Variants in F10 observed in about 807,000 individuals in gnomAD.
F10 encodes Stuart-Prower factor.
Under a neutral mutation model 37.1 loss-of-function variants are expected in F10, and 29 were observed. The observed-to-expected ratio is 0.78, with a 90% CI of 0.58 to 1.07. The LOEUF is 1.07. Among genes scored for constraint, F10 ranks in the 50% least tolerant of loss-of-function variants. The pLI is 0.00. For missense variants in F10, 539 were observed against 667.9 expected, an observed-to-expected ratio of 0.81 and a Z score of 2.13; for synonymous variants, 262 against 268.6, an observed-to-expected ratio of 0.98 and a Z score of 0.24.
chr13:113,136,867 G>C (rs2036483488), intron 2 of F10, among the ~76,000 whole-genome samples: 1 of 25,794 alleles, frequency 3.9e-5, no homozygotes, highest in Non-Finnish European at 1.0e-4. Context: ...AGCTGGGATG[G>C]TCTCGATCTC....
intron 2 of F10, chr13:113,131,720 G>T (rs2036436028): frequency 6.6e-6 from 1 of 152,136 alleles, no homozygotes; most frequent in South Asian, 2.1e-4. Flanking sequence ...TTGACCAAAT[G>T]ATCTCTCTAA....
In F10 at chr13:113,143,909, C is replaced by T; in HGVS notation, c.561C>T (p.Ala187=). 3.1e-6 allele frequency: 5 copies of T among 1,613,378 alleles called. No homozygotes were observed. Among genetic ancestry groups the T allele is most frequent in the Non-Finnish European group, 4.2e-6 (5 of 1,179,994 alleles). ...GCAGGAAGAGGTCAGTGGCCCAGGC[C>T]ACCAGCAGCAGCGGGGAGGCCCCTG... ...LERRKRSVAQ[A]TSSSGEAPDS... The change falls in exon 6 of 8, where the codon GCC becomes GCT. Residue 187 remains alanine, a synonymous_variant. Transcript: ENST00000375559. This position sits in a 1 kb window ranked among gnomAD's most constrained non-coding sequence, Gnocchi z 6.8.
chr13:113,145,609 C>A (rs1046274140), intron 6 of F10, among the ~76,000 whole-genome samples: 1 of 152,088 alleles, frequency 6.6e-6, no homozygotes, highest in South Asian at 2.1e-4. Flanking sequence ...CATACATACC[C>A]GAGACTGGGT....
chr13:113,144,469 G>A lies in F10; in HGVS notation c.747+374G>A, dbSNP rs1048318569. Among the ~76,000 whole-genome samples, 2 of 152,268 alleles carry A rather than the reference G, an allele frequency of 1.3e-5. No individual in the cohort carries two copies. The highest frequency in any genetic ancestry group is 4.8e-5 in the African/African-American group (2 of 41,484). On this transcript the variant is annotated intron_variant, in intron 6 of 7. Coordinates refer to ENST00000375559, the MANE Select transcript of F10 (RefSeq NM_000504.4). The surrounding 1 kb of genome is among the most constrained non-coding windows in gnomAD (Gnocchi z 6.4). ...TGTCCTCAAACCTCCCCTACACCAGGAGACAAGGCTAAAGCCAGGGAGCCA... is the reference window on the plus strand; with the variant it reads ...TGTCCTCAAACCTCCCCTACACCAGAAGACAAGGCTAAAGCCAGGGAGCCA...
rs937419724 is a variant in F10 at position 113,144,816 on chromosome 13, C to T, written c.747+721C>T. 9.6e-5 allele frequency among the ~76,000 whole-genome samples: 14 copies of T among 145,466 alleles called. No homozygotes were observed. The highest frequency in any genetic ancestry group is 2.0e-4 in the East Asian group (1 of 4,920). ...GCAACCTCCACCTCCTGGGTTCAAG[C>T]GATTCTCATGCCTCAGACTCCCAAG... On this transcript the variant is annotated intron_variant, in intron 6 of 7. Coordinates refer to ENST00000375559, the MANE Select transcript of F10 (RefSeq NM_000504.4). The surrounding 1 kb of genome is among the most constrained non-coding windows in gnomAD (Gnocchi z 6.4).
chr13:113,129,389 A>G (rs145068456), intron 1 of F10, 63 bp from the exon 2 acceptor site: 1 of 1,256,160 alleles, frequency 8.0e-7, no homozygotes, highest in Non-Finnish European at 1.1e-6. Flanking sequence ...CAGGGAGCAT[A>G]GGTGAGGGGG....
At position 113,141,143 on chromosome 13, in the gene F10, C is replaced by G. The variant is rs1168085192; in HGVS notation, c.502+93C>G. The G allele has an allele frequency of 5.1e-6, 8 of 1,555,888 alleles. No homozygotes were observed. Among genetic ancestry groups the G allele is most frequent in the Non-Finnish European group, 6.1e-6 (7 of 1,150,186 alleles). ...CAGGGGGTGGGGACACAGGCATGTT[C>G]TGGGCGGGCCTGGCAGGTAACAGTG... is the stretch of plus-strand genomic sequence containing the variant. On this transcript the variant is annotated intron_variant, in intron 5 of 7. Coordinates refer to ENST00000375559, the MANE Select transcript of F10 (RefSeq NM_000504.4). The surrounding 1 kb of genome is among the most constrained non-coding windows in gnomAD (Gnocchi z 5.4).
Position 113,149,023 on chromosome 13 carries a change from G to C in F10, c.973G>C (p.Val325Leu). The C allele has an allele frequency of 6.2e-7, 1 of 1,613,492 alleles. No individual in the cohort carries two copies. The highest frequency in any genetic ancestry group is 8.5e-7 in the Non-Finnish European group (1 of 1,180,022). Residue 325 changes from valine (V) to leucine (L), a missense_variant, in exon 8 of 8, where the codon GTG becomes CTG. By Grantham distance (32) the Val-to-Leu change is conservative (BLOSUM62 1). This residue lies in a region of F10 where 409 missense variants were observed against 547.9 expected (regional missense o/e 0.75). Transcript: ENST00000375559. The surrounding 1 kb of genome is among the most constrained non-coding windows in gnomAD (Gnocchi z 7.5). ...GGAGACCTATGACTTCGACATCGCC[G>C]TGCTCCGGCTCAAGACCCCCATCAC... ...TKETYDFDIA[V>L]LRLKTPITFR...
At chr13:113,129,693 AGGGG>A in intron 2 of F10, 81 bp downstream of exon 2, 1 of 1,585,842 alleles carries the variant, frequency 6.3e-7, no homozygotes, top group Non-Finnish European at 8.6e-7. Flanking sequence ...CCGTCCATCC[AGGGG>A]GGCGGCCTGG....
In F10 at chr13:113,139,288, ACAGCAAAACTGTTTCC is replaced by A; in HGVS notation, c.257-68_257-53del. The A allele has an allele frequency of 3.8e-6, 5 of 1,315,458 alleles. No individual in the cohort carries two copies. The highest frequency in any genetic ancestry group is 5.5e-6 in the Non-Finnish European group (5 of 916,072). 81.5% of individuals were successfully genotyped at this position (1,315,458 alleles called of 1,614,324 possible). A position where few individuals can be genotyped will look rare whatever the true frequency, so the allele number is the denominator to read the frequency against. ...TCTGAACGGCAGGGCCAAGGTTAGC[ACAGCAAAACTGTTTCC>A]ATGATGCCGGAAACAGCTTGCAGAC... On this transcript the variant is annotated intron_variant, in intron 3 of 7. Transcript: ENST00000375559. The surrounding 1 kb of genome is among the most constrained non-coding windows in gnomAD (Gnocchi z 5.2).
intron 2 of F10, among the ~76,000 whole-genome samples, chr13:113,136,349 A>G (rs1227816146): frequency 6.6e-6 from 1 of 152,202 alleles, no homozygotes; most frequent in Admixed American, 6.5e-5. Context: ...TAAGGTTACC[A>G]CAGGACTCGG....
chr13:113,135,314 G>A (rs2036468765), intron 2 of F10, among the ~76,000 whole-genome samples: 1 of 151,998 alleles, frequency 6.6e-6, no homozygotes, highest in African/African-American at 2.4e-5. Flanking sequence ...CAGTCTGTTT[G>A]TGCTTCTATA....
In F10 at chr13:113,122,805, G is replaced by C; in HGVS notation, c.-51G>C. ...CCATCCCAGCTGGGGCGTGGACTTT[G>C]CTCCAGCAGCCTGTCCCAGTGAGGA... is the stretch of plus-strand genomic sequence containing the variant. On this transcript the variant is annotated 5_prime_UTR_variant, in exon 1 of 8. Coordinates refer to ENST00000375559, the MANE Select transcript of F10 (RefSeq NM_000504.4). 6.3e-7 allele frequency: 1 copy of C among 1,598,852 alleles called. No individual in the cohort carries two copies. Among genetic ancestry groups the C allele is most frequent in the Non-Finnish European group, 8.5e-7 (1 of 1,174,688 alleles).
At position 113,147,406 on chromosome 13, in the gene F10, G is replaced by A; in HGVS notation, c.775G>A (p.Gly259Ser). The change falls in exon 7 of 8, where the codon GGT becomes AGT. Residue 259 changes from glycine to serine, a missense_variant. Physicochemically the swap from Gly to Ser is moderately conservative, Grantham distance 56. This residue lies in a region of F10 where 409 missense variants were observed against 547.9 expected (regional missense o/e 0.75). Coordinates refer to ENST00000375559, the MANE Select transcript of F10 (RefSeq NM_000504.4). ...QALLINEENE[G>S]FCGGTILSEF... ...CCTGCTCATCAATGAGGAAAACGAG[G>A]GTTTCTGTGGTGGAACCATTCTGAG... The A allele has an allele frequency of 2.5e-6, 4 of 1,613,752 alleles. No homozygotes were observed. Among genetic ancestry groups the A allele is most frequent in the Non-Finnish European group, 3.4e-6 (4 of 1,179,652 alleles).
intron 3 of F10, among the ~76,000 whole-genome samples, chr13:113,138,874 C>A (rs372061270): frequency 6.6e-6 from 1 of 152,232 alleles, no homozygotes; most frequent in Non-Finnish European, 1.5e-5. Context: ...TACCTGGTAA[C>A]AGTATTCACA....
In F10 at chr13:113,149,250, G is replaced by C; in HGVS notation, c.1200G>C (p.Gln400His). Residue 400 changes from glutamine (Q) to histidine (H), a missense_variant, in exon 8 of 8, where the codon CAG (glutamine) becomes CAC (histidine). Physicochemically the swap from Gln to His is conservative, Grantham distance 24. Around this residue, in one of 2 missense-constraint regions of F10, gnomAD observed 409 missense variants for 547.9 expected, o/e 0.75. Coordinates refer to ENST00000375559, the MANE Select transcript of F10 (RefSeq NM_000504.4). This position sits in a 1 kb window ranked among gnomAD's most constrained non-coding sequence, Gnocchi z 7.5. ...CKLSSSFIIT[Q>H]NMFCAGYDTK... ...TGTCCAGCAGCTTCATCATCACCCA[G>C]AACATGTTCTGTGCCGGCTACGACA... The C allele has an allele frequency of 6.2e-7, 1 of 1,613,220 alleles. No individual in the cohort carries two copies. Among genetic ancestry groups the C allele is most frequent in the South Asian group, 1.1e-5 (1 of 91,082 alleles).
intron 2 of F10, among the ~76,000 whole-genome samples, chr13:113,138,032 TG>T (rs2036495282): frequency 6.6e-6 from 1 of 152,228 alleles, no homozygotes; most frequent in African/African-American, 2.4e-5. Context: ...CTTGATGACC[TG>T]TTTTAAACTA....
intron 5 of F10, among the ~76,000 whole-genome samples, chr13:113,142,847 G>A (rs1163520247): frequency 1.3e-5 from 2 of 151,888 alleles, no homozygotes; most frequent in East Asian, 1.9e-4. Context: ...CAGGAGAATC[G>A]CCTGAACCCA....
At chr13:113,133,241 A>C (rs967674666) in intron 2 of F10, among the ~76,000 whole-genome samples, 3 of 152,106 alleles carry the variant, frequency 2.0e-5, no homozygotes, top group African/African-American at 7.2e-5. Context: ...AAATCAAAGA[A>C]ATTTAAAACA....
Sources: gnomAD v4.1 joint callset for allele counts (sites outside exome capture counted in the v4.1 genomes callset) on GRCh38, gnomAD v4.1.1 for gene constraint, gnomAD v4.1.1 regional missense constraint, Gnocchi (gnomAD v3.1) non-coding constraint, MANE v1.5 for transcripts, NCBI Gene and HGNC (gene_info 2026-07-23, HGNC 2026-07-21) for gene names.